Variants in GIMAP8 observed in about 807,000 individuals in gnomAD.
GIMAP8 encodes GTPase, IMAP family member 8, also known as GTPase IMAP family member 8.
In GIMAP8, 29 loss-of-function variants were observed where a neutral mutation model predicts 35.6. The observed-to-expected ratio is 0.81, with a 90% CI of 0.61 to 1.11. The LOEUF is 1.11. GIMAP8 is among the 50% of genes most tolerant of loss of function. The pLI, the probability that GIMAP8 is intolerant of heterozygous loss-of-function variation, is 0.00. For missense variants in GIMAP8, 811 were observed against 805.0 expected (o/e 1.01, Z -0.09); for synonymous variants, 335 against 308.7 (o/e 1.09, Z -0.89).
At chr7:150,452,672 TGAGATATA>T (rs1225461097) in intron 1 of GIMAP8, among the ~76,000 whole-genome samples, 1 of 66,622 alleles carries the variant, frequency 1.5e-5, no homozygotes, top group Non-Finnish European at 2.7e-5. Context: ...TGTGTGTGTG[TGAGATATA>T]TATATATATA....
At chr7:150,463,189 C>CT (rs34665173) in intron 1 of GIMAP8, among the ~76,000 whole-genome samples, 4,926 of 151,512 alleles carry the variant, frequency 0.033, 113 homozygotes, top group African/African-American at 0.071. Context: ...CATTTGGTTC[C>CT]TTTTTTTTAT....
intron 1 of GIMAP8, among the ~76,000 whole-genome samples, chr7:150,458,728 A>G (rs1025031112): frequency 5.3e-5 from 8 of 152,240 alleles, no homozygotes; most frequent in African/African-American, 1.9e-4. Flanking sequence ...CCAGAAAAAG[A>G]AATAAAGTCT....
At chr7:150,455,946 T>C (rs1801722105) in intron 1 of GIMAP8, among the ~76,000 whole-genome samples, 1 of 152,162 alleles carries the variant, frequency 6.6e-6, no homozygotes, top group Non-Finnish European at 1.5e-5. Context: ...GTTGACTTTT[T>C]GTTTTAATAT....
chr7:150,476,273 A>G lies in GIMAP8; in HGVS notation c.1310-819A>G, dbSNP rs369124249. Among the ~76,000 whole-genome samples the G allele has an allele frequency of 1.4e-4, 22 of 152,384 alleles. No homozygotes were observed. In the East Asian group the frequency reaches 2.3e-3, roughly 16 times the overall value. On this transcript the variant is annotated intron_variant, in intron 4 of 4. Coordinates refer to ENST00000307271, the MANE Select transcript of GIMAP8 (RefSeq NM_175571.4). ...TTTGATATGAAATTCATAATGGAAG[A>G]GAACTACGAAGAGACTTGAATGAGC...
intron 1 of GIMAP8, among the ~76,000 whole-genome samples, chr7:150,452,675 GATATATATATATATATATATATATAT>G (rs373374121): frequency 2.5e-5 from 2 of 79,672 alleles, no homozygotes; most frequent in East Asian, 4.3e-4. Flanking sequence ...GTGTGTGTGA[GATATATATATATATATATATATATAT>G]ATATATATAC....
chr7:150,452,310 C>T (rs563849884), intron 1 of GIMAP8, among the ~76,000 whole-genome samples: 5 of 138,778 alleles, frequency 3.6e-5, no homozygotes, highest in South Asian at 4.5e-4. Context: ...TGTGCATGTG[C>T]GTGTGTGTAT....
intron 1 of GIMAP8, among the ~76,000 whole-genome samples, chr7:150,455,219 AAAC>A (rs1801705609): frequency 2.1e-5 from 3 of 144,176 alleles, no homozygotes; most frequent in South Asian, 2.1e-4. Context: ...AATGGAGGGA[AAAC>A]AACAACAAAG....
chr7:150,456,260 T>C (rs889914652), intron 1 of GIMAP8, among the ~76,000 whole-genome samples: 5 of 152,204 alleles, frequency 3.3e-5, no homozygotes, highest in Non-Finnish European at 5.9e-5. Context: ...CAATTTATTT[T>C]ACAGTTCTGG....
intron 4 of GIMAP8, 136 bp downstream of exon 4, chr7:150,474,774 G>A: frequency 1.9e-6 from 1 of 513,984 alleles, no homozygotes; most frequent in Non-Finnish European, 3.1e-6. Context: ...TGCACATTGT[G>A]CAGGTTAGTT....
intron 2 of GIMAP8, among the ~76,000 whole-genome samples, chr7:150,469,512 T>C (rs1390274597): frequency 6.6e-6 from 1 of 152,252 alleles, no homozygotes; most frequent in East Asian, 1.9e-4. Flanking sequence ...CACATGTATG[T>C]CAGGAATTGC....
chr7:150,464,696 A>T (rs1801913201), intron 1 of GIMAP8, among the ~76,000 whole-genome samples: 1 of 152,222 alleles, frequency 6.6e-6, no homozygotes, highest in South Asian at 2.1e-4. Flanking sequence ...AACAGAAAAA[A>T]AAGAAAAGAA....
chr7:150,452,653 ATGTG>A (rs1240322026), intron 1 of GIMAP8, among the ~76,000 whole-genome samples: 163 of 123,634 alleles, frequency 1.3e-3, no homozygotes, highest in African/African-American at 2.9e-3. Flanking sequence ...ATGTGTGTAT[ATGTG>A]TGTGTGTGTG....
intron 4 of GIMAP8, among the ~76,000 whole-genome samples, chr7:150,476,247 AT>A (rs1409275147): frequency 1.3e-5 from 2 of 152,244 alleles, no homozygotes; most frequent in Non-Finnish European, 2.9e-5. Flanking sequence ...GATATTAGCT[AT>A]TTGATATGAA....
chr7:150,461,208 G>A (rs1468302234), intron 1 of GIMAP8, among the ~76,000 whole-genome samples: 1 of 152,236 alleles, frequency 6.6e-6, no homozygotes, highest in African/African-American at 2.4e-5. Flanking sequence ...TTGTGTAGCT[G>A]TTGGAGGAAA....
chr7:150,476,333 G>T (rs990291420), intron 4 of GIMAP8, among the ~76,000 whole-genome samples: 22 of 152,214 alleles, frequency 1.4e-4, no homozygotes, highest in African/African-American at 5.3e-4. Context: ...AAAAGCATAA[G>T]AACGATCTCC....
chr7:150,462,435 G>A (rs1412359911), intron 1 of GIMAP8, among the ~76,000 whole-genome samples: 3 of 152,142 alleles, frequency 2.0e-5, no homozygotes, highest in Non-Finnish European at 4.4e-5. Context: ...CTACCAATGA[G>A]TTTTGTACTT....
Position 150,474,394 on chromosome 7 carries a change from C to G in GIMAP8, c.1065C>G (p.Phe355Leu). 1.2e-6 allele frequency: 2 copies of G among 1,614,086 alleles called. No individual in the cohort carries two copies. The highest frequency in any genetic ancestry group is 2.2e-5 in the South Asian group (2 of 91,072). The change falls in exon 4 of 5, where the codon TTC (phenylalanine) becomes TTG (leucine). Residue 355 changes from phenylalanine to leucine, a missense_variant. Transcript: ENST00000307271. ...STIQNNFGEK[F>L]FEYMIILLTR... ...TCCAAAACAATTTTGGAGAAAAATT[C>G]TTTGAGTACATGATCATACTTCTTA...
chr7:150,463,576 G>T (rs931955931), intron 1 of GIMAP8, among the ~76,000 whole-genome samples: 1 of 152,212 alleles, frequency 6.6e-6, no homozygotes, highest in Admixed American at 6.5e-5. Flanking sequence ...GTGCAGTAGT[G>T]TAGTCTTCAT....
At chr7:150,459,105 A>G (rs1333170321) in intron 1 of GIMAP8, among the ~76,000 whole-genome samples, 2 of 152,214 alleles carry the variant, frequency 1.3e-5, no homozygotes, top group African/African-American at 4.8e-5. Context: ...AGTTATTAGT[A>G]GCCCTGCCTG....
Sources: gnomAD v4.1 joint callset for allele counts (sites outside exome capture counted in the v4.1 genomes callset) on GRCh38, gnomAD v4.1.1 for gene constraint, MANE v1.5 for transcripts, NCBI Gene and HGNC (gene_info 2026-07-23, HGNC 2026-07-21) for gene names.